SRRM4: variants seen among roughly 807,000 people sequenced by gnomAD.
The protein encoded by SRRM4 is serine/arginine repetitive matrix protein 4.
A neutral mutation model predicts 68.9 loss-of-function variants in SRRM4; 33 were observed. That is an observed-to-expected ratio of 0.48 (90% CI 0.36 to 0.64). The LOEUF is 0.64. Ranked by LOEUF, SRRM4 falls within the 30% of genes least tolerant of loss-of-function variation. SRRM4 has a pLI of 0.00. For synonymous variants in SRRM4, 318 were observed against 318.8 expected, an observed-to-expected ratio of 1.00 and a Z score of 0.03; for missense variants, 817 against 827.1, an observed-to-expected ratio of 0.99 and a Z score of 0.15.
At chr12:119,074,816 T>A (rs1953898733) in intron 1 of SRRM4, among the ~76,000 whole-genome samples, 1 of 152,186 alleles carries the variant, frequency 6.6e-6, no homozygotes, top group South Asian at 2.1e-4. Context: ...ACCCTAAAAA[T>A]AAGCCAATGA....
chr12:119,105,326 T>A (rs1239719139), intron 2 of SRRM4, among the ~76,000 whole-genome samples: 1 of 152,184 alleles, frequency 6.6e-6, no homozygotes, highest in African/African-American at 2.4e-5. Context: ...ATCCTTTGGT[T>A]ATATACCCAG....
intron 10 of SRRM4, among the ~76,000 whole-genome samples, chr12:119,151,496 T>C (rs1954439065): frequency 6.6e-6 from 1 of 152,174 alleles, no homozygotes; most frequent in African/African-American, 2.4e-5. Context: ...ATAATGAATA[T>C]CAGTTATTAT....
In SRRM4 at chr12:119,087,083, G is replaced by A. The variant is rs180738497; in HGVS notation, c.132-15153G>A. On this transcript the variant is annotated intron_variant, in intron 1 of 12. Coordinates refer to ENST00000267260, the MANE Select transcript of SRRM4 (RefSeq NM_194286.4). ...AAGGGTTAAAACCATGGACTCTGGA[G>A]TCAGATCGTCTGGGTTCAAATTCCT... 6.6e-5 allele frequency among the ~76,000 whole-genome samples: 10 copies of A among 152,336 alleles called. No homozygotes were observed. The East Asian group carries it at 1.5e-3, about 23-fold the overall frequency.
At chr12:119,147,239 T>A (rs947945822) in intron 9 of SRRM4, among the ~76,000 whole-genome samples, 1 of 152,146 alleles carries the variant, frequency 6.6e-6, no homozygotes, top group Non-Finnish European at 1.5e-5. Flanking sequence ...TGGCTCCAAC[T>A]GTATGACATT....
At chr12:119,066,509 C>T (rs1448073872) in intron 1 of SRRM4, among the ~76,000 whole-genome samples, 1 of 152,192 alleles carries the variant, frequency 6.6e-6, no homozygotes, top group Non-Finnish European at 1.5e-5. Context: ...AAATGTGAAT[C>T]CTTGGTTCCC....
At chr12:119,081,948 G>A (rs933505009) in intron 1 of SRRM4, among the ~76,000 whole-genome samples, 1 of 152,152 alleles carries the variant, frequency 6.6e-6, no homozygotes, top group African/African-American at 2.4e-5. Context: ...TACTTTAATT[G>A]GAAACCATTC....
At chr12:118,987,295 T>TTGTGTACTA (rs1327397779) in intron 1 of SRRM4, among the ~76,000 whole-genome samples, 2 of 152,158 alleles carry the variant, frequency 1.3e-5, no homozygotes, top group Non-Finnish European at 2.9e-5. Context: ...GCAGATGCTC[T>TTGTGTACTA]TGTGTACTAT....
At chr12:119,145,191 A>C (rs938893551) in intron 8 of SRRM4, among the ~76,000 whole-genome samples, 190 bp from the exon 9 acceptor site, 2 of 152,108 alleles carry the variant, frequency 1.3e-5, no homozygotes, top group Non-Finnish European at 1.5e-5. Flanking sequence ...AGGGGGTAAA[A>C]AAAAAATCTC....
intron 1 of SRRM4, among the ~76,000 whole-genome samples, chr12:119,040,898 T>G (rs1953664197): frequency 6.6e-6 from 1 of 151,730 alleles, no homozygotes. Context: ...TACAGGCAAG[T>G]GCCACAATGC....
chr12:119,139,540 G>C (rs530905113), intron 8 of SRRM4, among the ~76,000 whole-genome samples: 2 of 152,330 alleles, frequency 1.3e-5, no homozygotes, highest in African/African-American at 4.8e-5. Context: ...ATACCAAGTA[G>C]AGTTCAGCTG....
chr12:119,062,320 A>G (rs919723395), intron 1 of SRRM4, among the ~76,000 whole-genome samples: 1 of 152,208 alleles, frequency 6.6e-6, no homozygotes, highest in Non-Finnish European at 1.5e-5. Context: ...GAACTAGGAC[A>G]TTACTGTACA....
intron 1 of SRRM4, among the ~76,000 whole-genome samples, chr12:119,042,943 G>A (rs1953679159): frequency 6.6e-6 from 1 of 152,100 alleles, no homozygotes; most frequent in South Asian, 2.1e-4. Flanking sequence ...ACTGTTGGTG[G>A]GAGTGTAAAT....
intron 2 of SRRM4, among the ~76,000 whole-genome samples, chr12:119,109,160 T>G (rs1231635342): frequency 6.6e-6 from 1 of 152,112 alleles, no homozygotes; most frequent in Non-Finnish European, 1.5e-5. Context: ...CCCACCCTCT[T>G]CTGGCTTGTA....
intron 2 of SRRM4, among the ~76,000 whole-genome samples, chr12:119,110,226 G>A (rs928425609): frequency 6.6e-6 from 1 of 152,202 alleles, no homozygotes; most frequent in African/African-American, 2.4e-5. Context: ...TGAGGTGTCA[G>A]TCAGCCCTTA....
chr12:118,992,613 G>A (rs1431150384), intron 1 of SRRM4, among the ~76,000 whole-genome samples: 1 of 152,196 alleles, frequency 6.6e-6, no homozygotes, highest in East Asian at 1.9e-4. Flanking sequence ...TTTATCATAT[G>A]GATGGTTGTT....
intron 1 of SRRM4, among the ~76,000 whole-genome samples, chr12:119,068,440 C>A (rs528520625): frequency 6.6e-6 from 1 of 152,302 alleles, no homozygotes; most frequent in South Asian, 2.1e-4. Context: ...AGCCTAATTT[C>A]TTTCTCCTCT....
chr12:119,054,281 A>G (rs574709889), intron 1 of SRRM4, among the ~76,000 whole-genome samples: 81 of 152,272 alleles, frequency 5.3e-4, no homozygotes, highest in African/African-American at 1.9e-3. Flanking sequence ...TTATCCATCC[A>G]TGTAACAGTA....
In SRRM4 at chr12:119,125,489, T is replaced by C; in HGVS notation, c.614+10T>C. On this transcript the variant is annotated intron_variant, in intron 7 of 12. Transcript: ENST00000267260. ...CAAGCTGTGAGAGCAGGTAACCCCT[T>C]GCCCCAGGATCCTCTTCTGTCAGCC... is the stretch of plus-strand genomic sequence containing the variant. 1 of 1,611,032 alleles carries C rather than the reference T, an allele frequency of 6.2e-7. No individual in the cohort carries two copies. The highest frequency in any genetic ancestry group is 2.2e-5 in the East Asian group (1 of 44,702).
chr12:119,093,088 G>A (rs551103784), intron 1 of SRRM4, among the ~76,000 whole-genome samples: 2 of 152,274 alleles, frequency 1.3e-5, no homozygotes, highest in South Asian at 4.2e-4. Context: ...CTCAATGAGG[G>A]CTTCTCTGAT....
Sources: gnomAD v4.1 joint callset for allele counts (sites outside exome capture counted in the v4.1 genomes callset) on GRCh38, gnomAD v4.1.1 for gene constraint, MANE v1.5 for transcripts, NCBI Gene and HGNC (gene_info 2026-07-23, HGNC 2026-07-21) for gene names.